Variants in UBE2QL1 observed in about 807,000 individuals in gnomAD.
The protein encoded by UBE2QL1 is ubiquitin-conjugating enzyme E2Q-like protein 1.
UBE2QL1 carries 5 observed loss-of-function variants against 12.6 expected under a neutral mutation model. The observed-to-expected ratio is 0.40, with a 90% CI of 0.21 to 0.83. The LOEUF is 0.83. UBE2QL1 is among the 40% of genes least tolerant of loss of function. The pLI, the probability that UBE2QL1 is intolerant of heterozygous loss-of-function variation, is 0.37. For missense variants in UBE2QL1, 99 were observed against 222.6 expected (o/e 0.44, Z 3.53); for synonymous variants, 96 against 94.5 (o/e 1.02, Z -0.10).
rs1220106761 is a variant in UBE2QL1, at chr5:6,476,738, G to A, written c.355-14480G>A. Among the ~76,000 whole-genome samples, 2 of 152,196 alleles carry A rather than the reference G, an allele frequency of 1.3e-5. No individual in the cohort carries two copies. The highest frequency in any genetic ancestry group is 4.8e-5 in the African/African-American group (2 of 41,452). Reference sequence around the variant, plus strand: ...CCTTTGGTCGTATCACATGAGAGATGCCCACTTGCTAATTAATGGGTTTCT... The same window carrying A: ...CCTTTGGTCGTATCACATGAGAGATACCCACTTGCTAATTAATGGGTTTCT... On this transcript the variant is annotated intron_variant, in intron 1 of 1. Transcript: ENST00000399816. The surrounding 1 kb of genome is among the most constrained non-coding windows in gnomAD (Gnocchi z 4.9).
intron 1 of UBE2QL1, among the ~76,000 whole-genome samples, chr5:6,471,638 C>T (rs956806413): frequency 2.0e-5 from 3 of 152,296 alleles, no homozygotes; most frequent in South Asian, 2.1e-4. Flanking sequence ...TCCATCACTC[C>T]GCCATCCTCT....
intron 1 of UBE2QL1, among the ~76,000 whole-genome samples, chr5:6,473,502 T>C (rs1290142157): frequency 2.0e-5 from 3 of 152,230 alleles, no homozygotes; most frequent in Non-Finnish European, 4.4e-5. Flanking sequence ...TGGCCAGAAC[T>C]GGCCACATGG....
intron 1 of UBE2QL1, among the ~76,000 whole-genome samples, chr5:6,453,140 T>C (rs2126320197): frequency 6.6e-6 from 1 of 152,282 alleles, no homozygotes; most frequent in South Asian, 2.1e-4. Flanking sequence ...GCAGAGAACA[T>C]AGGATGTTTG....
At chr5:6,474,711 A>G (rs2126356095) in intron 1 of UBE2QL1, among the ~76,000 whole-genome samples, 1 of 152,342 alleles carries the variant, frequency 6.6e-6, no homozygotes, top group Non-Finnish European at 1.5e-5. Context: ...TTCGTCGTTC[A>G]TTCCTCAGTA....
Position 6,449,349 on chromosome 5 carries a change from G to A in UBE2QL1, c.354+102G>A, listed in dbSNP as rs1190970652. The A allele has an allele frequency of 2.2e-5, 25 of 1,138,080 alleles. No individual in the cohort carries two copies. The Admixed American group carries it at 5.6e-4, about 25-fold the overall frequency. 70.5% of individuals were successfully genotyped at this position (1,138,080 alleles called of 1,614,324 possible). ...GGTGAGGGCCAGCGCCGGCCCCTCC[G>A]GCCATCTCGCTCCCTGCTCTGACTA... On this transcript the variant is annotated intron_variant, in intron 1 of 1. Coordinates refer to ENST00000399816, the MANE Select transcript of UBE2QL1 (RefSeq NM_001145161.3).
intron 1 of UBE2QL1, among the ~76,000 whole-genome samples, chr5:6,472,415 G>A (rs1182858035): frequency 2.0e-5 from 3 of 152,226 alleles, no homozygotes; most frequent in Non-Finnish European, 2.9e-5. Context: ...CATTCTGGAA[G>A]CGGCCGATCG....
intron 1 of UBE2QL1, among the ~76,000 whole-genome samples, chr5:6,451,960 AC>A (rs1368923159): frequency 6.6e-6 from 1 of 152,198 alleles, no homozygotes; most frequent in Non-Finnish European, 1.5e-5. Flanking sequence ...ACCGATAATT[AC>A]TTTAAAAGGG....
chr5:6,467,316 A>G (rs1197027064), intron 1 of UBE2QL1, among the ~76,000 whole-genome samples: 1 of 152,110 alleles, frequency 6.6e-6, no homozygotes, highest in Non-Finnish European at 1.5e-5. Flanking sequence ...TCAACGACAG[A>G]AATGCATTCT....
At chr5:6,467,218 C>G (rs1288239613) in intron 1 of UBE2QL1, among the ~76,000 whole-genome samples, 3 of 152,110 alleles carry the variant, frequency 2.0e-5, no homozygotes, top group Non-Finnish European at 4.4e-5. Context: ...TTCCTCCTTC[C>G]ATTCAGCTGT....
chr5:6,473,684 G>A (rs1734149661), intron 1 of UBE2QL1, among the ~76,000 whole-genome samples: 1 of 152,218 alleles, frequency 6.6e-6, no homozygotes, highest in South Asian at 2.1e-4. Flanking sequence ...TCACATCCCA[G>A]TGACGCAGAA....
chr5:6,461,536 A>ACCCCCCCCCCCCCCCCC (rs1489545549), intron 1 of UBE2QL1, among the ~76,000 whole-genome samples: 1 of 36,220 alleles, frequency 2.8e-5, no homozygotes, highest in Non-Finnish European at 5.7e-5. Context: ...GTTTTTCAGC[A>ACCCCCCCCCCCCCCCCC]CCCACCACCC....
At chr5:6,450,529 C>A (rs1343488739) in intron 1 of UBE2QL1, among the ~76,000 whole-genome samples, 5 of 152,208 alleles carry the variant, frequency 3.3e-5, no homozygotes, top group Admixed American at 2.6e-4. Flanking sequence ...TCATCGTTTT[C>A]TTTAAAAGAC....
chr5:6,477,705 GGGAGA>G lies in UBE2QL1; in HGVS notation c.355-13510_355-13506del, dbSNP rs200410095. On this transcript the variant is annotated intron_variant, in intron 1 of 1. Coordinates refer to ENST00000399816, the MANE Select transcript of UBE2QL1 (RefSeq NM_001145161.3). ...GTGTGGAACTGGCATTTGGGTGGCA[GGGAGA>G]GGCTGCAGGCGGGAATTTCAAGAGT... Among the ~76,000 whole-genome samples the G allele has an allele frequency of 7.7e-3, 1,168 of 152,352 alleles. 10 individuals are homozygous for G. Among genetic ancestry groups the G allele is most frequent in the African/African-American group, 0.027 (1,133 of 41,580 alleles).
chr5:6,449,642 A>C (rs1579283355), intron 1 of UBE2QL1, among the ~76,000 whole-genome samples: 68 of 130,532 alleles, frequency 5.2e-4, no homozygotes, highest in African/African-American at 7.6e-4. Flanking sequence ...TTCTCCTCTC[A>C]CCCCTTTCTC....
At chr5:6,485,879 A>T (rs1734458773) in intron 1 of UBE2QL1, among the ~76,000 whole-genome samples, 1 of 152,240 alleles carries the variant, frequency 6.6e-6, no homozygotes, top group Non-Finnish European at 1.5e-5. Context: ...ATAATTCAAA[A>T]GGCTAAGAAA....
chr5:6,450,817 C>A (rs1470943082), intron 1 of UBE2QL1, among the ~76,000 whole-genome samples: 1 of 152,196 alleles, frequency 6.6e-6, no homozygotes, highest in African/African-American at 2.4e-5. Context: ...TGTAACAACT[C>A]TAGAAAAACA....
intron 1 of UBE2QL1, among the ~76,000 whole-genome samples, chr5:6,450,307 C>G (rs1739388708): frequency 6.6e-6 from 1 of 152,150 alleles, no homozygotes; most frequent in South Asian, 2.1e-4. Flanking sequence ...AAACAGTTCT[C>G]CTGAGCCTTC....
intron 1 of UBE2QL1, among the ~76,000 whole-genome samples, chr5:6,451,813 G>C (rs1579284562): frequency 1.3e-5 from 2 of 152,140 alleles, no homozygotes; most frequent in South Asian, 4.1e-4. Context: ...ATGTACTTTT[G>C]CAAATTCACT....
rs999538958 is a variant in UBE2QL1 at position 6,496,694 on chromosome 5, T to G, written c.*5345T>G. 6.6e-6 allele frequency among the ~76,000 whole-genome samples: 1 copy of G among 152,164 alleles called. No homozygotes were observed. Among genetic ancestry groups the G allele is most frequent in the African/African-American group, 2.4e-5 (1 of 41,436 alleles). On this transcript the variant is annotated 3_prime_UTR_variant, in exon 2 of 2. Coordinates refer to ENST00000399816, the MANE Select transcript of UBE2QL1 (RefSeq NM_001145161.3). The stretch of plus-strand genomic sequence containing the variant: ...AAACAATGATTCTAGAAAATAAAAC[T>G]TTAAAACCAATAAACGTCTTTACAC...
Sources: gnomAD v4.1 joint callset for allele counts (sites outside exome capture counted in the v4.1 genomes callset) on GRCh38, gnomAD v4.1.1 for gene constraint, Gnocchi (gnomAD v3.1) non-coding constraint, MANE v1.5 for transcripts, NCBI Gene and HGNC (gene_info 2026-07-23, HGNC 2026-07-21) for gene names.